ARSB: variants seen among roughly 807,000 people sequenced by gnomAD.
ARSB encodes arylsulfatase B.
Under a neutral mutation model 50.9 loss-of-function variants are expected in ARSB, and 41 were observed. The ratio of observed to expected loss-of-function variants is 0.81; its 90% CI spans 0.63 to 1.04. ARSB has a LOEUF of 1.04. Ranked by LOEUF, ARSB falls within the 50% of genes least tolerant of loss-of-function variation. The pLI, the probability that ARSB is intolerant of heterozygous loss-of-function variation, is 0.00. For synonymous variants in ARSB, 269 were observed against 284.8 expected (o/e 0.94, Z 0.56); for missense variants, 672 against 693.3 (o/e 0.97, Z 0.35).
intron 5 of ARSB, among the ~76,000 whole-genome samples, chr5:78,849,687 C>A (rs1269734951): frequency 1.4e-5 from 2 of 147,496 alleles, no homozygotes; most frequent in African/African-American, 4.9e-5. Flanking sequence ...TTCTTCCTGT[C>A]CATGAGCATG....
At chr5:78,893,528 G>A (rs950766668) in intron 4 of ARSB, among the ~76,000 whole-genome samples, 2 of 152,150 alleles carry the variant, frequency 1.3e-5, no homozygotes, top group African/African-American at 4.8e-5. Flanking sequence ...CATTTATTAA[G>A]GATGAAAAGA....
intron 6 of ARSB, among the ~76,000 whole-genome samples, chr5:78,798,949 T>C (rs1315035843): frequency 2.6e-5 from 4 of 152,218 alleles, no homozygotes; most frequent in African/African-American, 9.7e-5. Flanking sequence ...AGGTGATGCT[T>C]GCCAAAGGTA....
intron 5 of ARSB, chr5:78,884,388 C>A (rs533359279): frequency 6.6e-6 from 1 of 152,016 alleles, no homozygotes; most frequent in Non-Finnish European, 1.5e-5. Flanking sequence ...CACACACACA[C>A]AATTTTTTTC....
At position 78,893,566 on chromosome 5, in the gene ARSB, C is replaced by T. The variant is rs182380305; in HGVS notation, c.899-7739G>A. Among the ~76,000 whole-genome samples, 7 of 152,272 alleles carry T rather than the reference C, an allele frequency of 4.6e-5. No homozygotes were observed. The East Asian group carries it at 5.8e-4, about 13-fold the overall frequency. On this transcript the variant is annotated intron_variant, in intron 4 of 7. Coordinates refer to ENST00000264914, the MANE Select transcript of ARSB (RefSeq NM_000046.5). ...CCAAAGTCTGTTGAAAGATTGAAAA[C>T]GTTTATTCTCTACAAGTTAAAATGG...
intron 4 of ARSB, among the ~76,000 whole-genome samples, chr5:78,913,502 C>T (rs1463218749): frequency 6.6e-6 from 1 of 152,222 alleles, no homozygotes; most frequent in African/African-American, 2.4e-5. Flanking sequence ...TCTATTTTTC[C>T]TATCCTGTTG....
chr5:78,922,874 G>A (rs1179132245), intron 4 of ARSB, among the ~76,000 whole-genome samples: 1 of 151,708 alleles, frequency 6.6e-6, no homozygotes, highest in Non-Finnish European at 1.5e-5. Context: ...CTCCCGCCTC[G>A]GCCTCCCAAA....
chr5:78,813,079 T>C (rs200470317), intron 6 of ARSB, among the ~76,000 whole-genome samples: 2 of 145,788 alleles, frequency 1.4e-5, no homozygotes, highest in African/African-American at 5.0e-5. Context: ...TTCCTTCCTT[T>C]CTTTTTTTTT....
Position 78,860,531 on chromosome 5 carries a change from A to C in ARSB, c.1143-21105T>G, listed in dbSNP as rs369344504. Among the ~76,000 whole-genome samples the C allele has an allele frequency of 1.2e-4, 18 of 152,354 alleles. No individual in the cohort carries two copies. The East Asian group carries it at 1.5e-3, about 13-fold the overall frequency. On this transcript the variant is annotated intron_variant, in intron 5 of 7. Transcript: ENST00000264914. ...GACTACTGCATAAATAATGAAATGAAGGCAGAAATAAAGATGTTCTTTGAA... is the reference window on the plus strand; with the variant it reads ...GACTACTGCATAAATAATGAAATGACGGCAGAAATAAAGATGTTCTTTGAA...
intron 5 of ARSB, among the ~76,000 whole-genome samples, chr5:78,863,121 G>A (rs918006100): frequency 6.6e-6 from 1 of 152,220 alleles, no homozygotes; most frequent in East Asian, 1.9e-4. Context: ...GTGCTGGAGA[G>A]GATGTGGAGA....
chr5:78,805,491 T>A (rs1220117867), intron 6 of ARSB, among the ~76,000 whole-genome samples: 1 of 152,200 alleles, frequency 6.6e-6, no homozygotes, highest in Non-Finnish European at 1.5e-5. Context: ...TTTCCTTCTA[T>A]CCACCCTCCA....
chr5:78,933,559 G>A (rs996336340), intron 4 of ARSB, among the ~76,000 whole-genome samples: 2 of 152,172 alleles, frequency 1.3e-5, no homozygotes, highest in African/African-American at 4.8e-5. Context: ...GAAGTCTGCT[G>A]AGCTGCCTTG....
intron 2 of ARSB, among the ~76,000 whole-genome samples, chr5:78,968,189 G>GGTGGAAGAATGCCA (rs1212817610): frequency 6.6e-6 from 1 of 151,080 alleles, no homozygotes; most frequent in African/African-American, 2.4e-5. Flanking sequence ...AGATTTCACA[G>GGTGGAAGAATGCCA]GTGGAAGAAT....
At chr5:78,829,678 G>A (rs577782530) in intron 6 of ARSB, among the ~76,000 whole-genome samples, 7 of 152,132 alleles carry the variant, frequency 4.6e-5, no homozygotes, top group South Asian at 4.1e-4. Context: ...TTTCAACAAC[G>A]TCCCAGAAAT....
chr5:78,972,698 G>T (rs191725518), intron 1 of ARSB, among the ~76,000 whole-genome samples: 177 of 152,310 alleles, frequency 1.2e-3, no homozygotes, highest in African/African-American at 4.1e-3. Flanking sequence ...AAAAGCCCCA[G>T]TGGAGATAAA....
intron 4 of ARSB, among the ~76,000 whole-genome samples, chr5:78,919,170 T>A (rs749929162): frequency 6.6e-6 from 1 of 152,206 alleles, no homozygotes; most frequent in Non-Finnish European, 1.5e-5. Flanking sequence ...TTATACAGCA[T>A]GTTAGCTGAT....
At chr5:78,937,373 G>GTAAGATATATA (rs1561512635) in intron 4 of ARSB, among the ~76,000 whole-genome samples, 14 of 82,766 alleles carry the variant, frequency 1.7e-4, no homozygotes, top group African/African-American at 5.7e-4. Flanking sequence ...ATATATATAT[G>GTAAGATATATA]TAAGATATAT....
intron 4 of ARSB, among the ~76,000 whole-genome samples, chr5:78,901,129 C>T (rs1174165744): frequency 1.3e-5 from 2 of 151,986 alleles, no homozygotes; most frequent in African/African-American, 4.8e-5. Context: ...CTGCCTCCCT[C>T]TTCCACTTTT....
At chr5:78,913,360 G>A (rs376144424) in intron 4 of ARSB, among the ~76,000 whole-genome samples, 1 of 152,024 alleles carries the variant, frequency 6.6e-6, no homozygotes, top group Non-Finnish European at 1.5e-5. Context: ...TCCTGACCTC[G>A]TGATCCGCCC....
At chr5:78,935,677 C>T (rs1045607612) in intron 4 of ARSB, among the ~76,000 whole-genome samples, 3 of 152,184 alleles carry the variant, frequency 2.0e-5, no homozygotes, top group Non-Finnish European at 4.4e-5. Flanking sequence ...ATTATTATAT[C>T]ACACAACCTA....
Sources: gnomAD v4.1 joint callset for allele counts (sites outside exome capture counted in the v4.1 genomes callset) on GRCh38, gnomAD v4.1.1 for gene constraint, MANE v1.5 for transcripts, NCBI Gene and HGNC (gene_info 2026-07-23, HGNC 2026-07-21) for gene names.